The following ABCA8 variants were observed in gnomAD, a reference collection of about 807,000 sequenced individuals.
The protein encoded by ABCA8 is ABC-type organic anion transporter ABCA8.
Under a neutral mutation model 192.3 loss-of-function variants are expected in ABCA8, and 177 were observed. That is an observed-to-expected ratio of 0.92 (90% CI 0.81 to 1.04). ABCA8 has a LOEUF of 1.04. ABCA8 is among the 50% of genes least tolerant of loss of function. The pLI is 0.00. For missense variants in ABCA8, 1,915 were observed against 1,904.8 expected (o/e 1.01, Z -0.10); for synonymous variants, 642 against 690.2 (o/e 0.93, Z 1.09).
chr17:68,924,175 C>A (rs373961269), intron 11 of ABCA8, among the ~76,000 whole-genome samples: 1 of 152,136 alleles, frequency 6.6e-6, no homozygotes, highest in South Asian at 2.1e-4. Context: ...GGAGAAACCC[C>A]GTCTCTATTC....
chr17:68,899,151 A>C (rs533738404), intron 21 of ABCA8, among the ~76,000 whole-genome samples: 4 of 152,172 alleles, frequency 2.6e-5, no homozygotes, highest in South Asian at 2.1e-4. Context: ...ATGCCAAAGA[A>C]AACAGTAAAG....
At chr17:68,929,903 G>T (rs886739844) in intron 7 of ABCA8, among the ~76,000 whole-genome samples, 2 of 150,406 alleles carry the variant, frequency 1.3e-5, no homozygotes, top group African/African-American at 2.5e-5. Context: ...AATATTCTTT[G>T]GGAATTAGGA....
chr17:68,900,226 A>G (rs1484163997), intron 21 of ABCA8, among the ~76,000 whole-genome samples: 1 of 152,100 alleles, frequency 6.6e-6, no homozygotes, highest in Admixed American at 6.5e-5. Flanking sequence ...AGAAAAATAA[A>G]ATAACATGAA....
At chr17:68,933,908 G>A (rs978298082) in intron 5 of ABCA8, among the ~76,000 whole-genome samples, 3 of 151,978 alleles carry the variant, frequency 2.0e-5, no homozygotes, top group East Asian at 1.9e-4. Flanking sequence ...TCAGATATAC[G>A]AATGATATAA....
intron 15 of ABCA8, 27 bp downstream of exon 15, chr17:68,918,399 AT>A (rs1422345328): frequency 6.4e-7 from 1 of 1,553,226 alleles, no homozygotes; most frequent in South Asian, 1.2e-5. Context: ...TAAACTTTGA[AT>A]TCACCTGCAA....
chr17:68,876,755 A>G, intron 33 of ABCA8, 52 bp from the exon 34 acceptor site: 1 of 1,610,062 alleles, frequency 6.2e-7, no homozygotes, highest in Non-Finnish European at 8.5e-7. Flanking sequence ...GAAATAGATA[A>G]GAGGATAACC....
Position 68,889,683 on chromosome 17 carries a change from A to G in ABCA8, c.3144+1806T>C, listed in dbSNP as rs1325346071. 1.3e-5 allele frequency among the ~76,000 whole-genome samples: 2 copies of G among 152,174 alleles called. 1 individual carries two copies. The highest frequency in any genetic ancestry group is 2.9e-5 in the Non-Finnish European group (2 of 68,028). On this transcript the variant is annotated intron_variant, in intron 24 of 39. Coordinates refer to ENST00000586539, the MANE Select transcript of ABCA8 (RefSeq NM_001288985.2). ...CCTGAAGTTTCCCATGATCCTTTGC[A>G]GTCAATAGCCTTTACCACTGGTTAC...
chr17:68,918,930 C>CAAAAAAAAAAAAAAA (rs34377045), intron 14 of ABCA8, among the ~76,000 whole-genome samples: 13 of 45,948 alleles, frequency 2.8e-4, no homozygotes, highest in African/African-American at 8.4e-4. Context: ...AACTCTGTCT[C>CAAAAAAAAAAAAAAA]AAAAAAAAAA....
rs1048481311 is a variant in ABCA8 at position 68,911,118 on chromosome 17, T to C, written c.2139-3239A>G. Among the ~76,000 whole-genome samples the C allele has an allele frequency of 1.6e-4, 25 of 151,624 alleles. No homozygotes were observed. Among genetic ancestry groups the C allele is most frequent in the African/African-American group, 6.1e-4 (25 of 41,268 alleles). On this transcript the variant is annotated intron_variant, in intron 17 of 39. Transcript: ENST00000586539. This position sits in a 1 kb window ranked among gnomAD's most constrained non-coding sequence, Gnocchi z 5.7. ...AGGTACCAGCTTAGCTACAGTGGAG[T>C]AGAGAGCACCAAGCGGACTCCTGGG...
intron 2 of ABCA8, among the ~76,000 whole-genome samples, chr17:68,946,994 AATTGT>A (rs1245494495): frequency 6.6e-6 from 1 of 152,034 alleles, no homozygotes; most frequent in Non-Finnish European, 1.5e-5. Context: ...AAAGAAAATA[AATTGT>A]ATTGTAGTTG....
intron 26 of ABCA8, 73 bp downstream of exon 26, chr17:68,886,944 G>T: frequency 9.7e-7 from 1 of 1,030,684 alleles, no homozygotes. Context: ...CCTACAGAGG[G>T]CAAAATTTAA....
intron 33 of ABCA8, chr17:68,877,288 G>C: frequency 5.5e-6 from 2 of 361,786 alleles, no homozygotes; most frequent in Non-Finnish European, 9.7e-6. Context: ...CAAAGTGCTG[G>C]GGTTAGAGGC....
Position 68,911,264 on chromosome 17 carries a change from C to G in ABCA8, c.2139-3385G>C, listed in dbSNP as rs1029936777. On this transcript the variant is annotated intron_variant, in intron 17 of 39. Coordinates refer to ENST00000586539, the MANE Select transcript of ABCA8 (RefSeq NM_001288985.2). This position sits in a 1 kb window ranked among gnomAD's most constrained non-coding sequence, Gnocchi z 5.7. ...GCATGTACTACAAGCTGCCTGAAGTCCCTTGGGCCTTGAGTGAACATCAGT... is the reference window on the plus strand; with the variant it reads ...GCATGTACTACAAGCTGCCTGAAGTGCCTTGGGCCTTGAGTGAACATCAGT... 3.3e-5 allele frequency among the ~76,000 whole-genome samples: 5 copies of G among 152,046 alleles called. No homozygotes were observed. Among genetic ancestry groups the G allele is most frequent in the Non-Finnish European group, 7.4e-5 (5 of 67,996 alleles).
rs144259189 is a variant in ABCA8, at chr17:68,922,963, A to G, written c.1443-663T>C. On this transcript the variant is annotated intron_variant, in intron 11 of 39. Transcript: ENST00000586539. ...ATATTTCATCTCGCATGTACAGTGC[A>G]TATAAGATGATATTGGTTACATGGT... is the stretch of plus-strand genomic sequence containing the variant. 1.4e-3 allele frequency among the ~76,000 whole-genome samples: 206 copies of G among 152,290 alleles called. 1 individual carries two copies. The highest frequency in any genetic ancestry group is 4.7e-3 in the African/African-American group (194 of 41,566).
intron 19 of ABCA8, among the ~76,000 whole-genome samples, chr17:68,904,298 A>AG (rs2067004717): frequency 1.6e-3 from 1 of 644 alleles, no homozygotes; most frequent in Non-Finnish European, 2.1e-3. Flanking sequence ...AAGAAATAAT[A>AG]ATAATAATAA....
In ABCA8 at chr17:68,922,225, T is replaced by TAAATTTAAAGGG; in HGVS notation, c.1501+16_1501+17insCCCTTTAAATTT. On this transcript the variant is annotated intron_variant, in intron 12 of 39. Transcript: ENST00000586539. ...TTTTTTTTTTTTTTTTTTTTTTTTT[T>TAAATTTAAAGGG]TTTTTTTTTTTTTTACCTTTCAAGG... 4.2e-6 allele frequency: 2 copies of TAAATTTAAAGGG among 477,306 alleles called. No homozygotes were observed. The highest frequency in any genetic ancestry group is 6.0e-6 in the Non-Finnish European group (2 of 332,690). The allele number at this position is 477,306 out of a possible 1,614,324, so 29.6% of individuals were successfully genotyped here. A position where few individuals can be genotyped will look rare whatever the true frequency, so the allele number is the denominator to read the frequency against.
At position 68,875,620 on chromosome 17, in the gene ABCA8, C is replaced by T. The variant is rs777537578; in HGVS notation, c.4484G>A (p.Arg1495Lys). ...GTCCAGGACAGGCACTCACCTCAAC[C>T]TCCCAGATACCATGATGGCCACTCG... ...CDRVAIMVSGRLRCIGSIQHL... is the reference protein window; with the variant it reads ...CDRVAIMVSGKLRCIGSIQHL... Residue 1495 changes from arginine to lysine, a missense_variant, in exon 36 of 40, where the codon AGG becomes AAG. Coordinates refer to ENST00000586539, the MANE Select transcript of ABCA8 (RefSeq NM_001288985.2). 1 of 1,613,988 alleles carries T rather than the reference C, an allele frequency of 6.2e-7. No individual in the cohort carries two copies. Among genetic ancestry groups the T allele is most frequent in the Non-Finnish European group, 8.5e-7 (1 of 1,179,944 alleles).
intron 5 of ABCA8, among the ~76,000 whole-genome samples, chr17:68,934,955 T>G (rs555785913): frequency 3.3e-5 from 5 of 152,210 alleles, no homozygotes; most frequent in Admixed American, 1.3e-4. Context: ...TGTTGTTTTA[T>G]GAAATTCCTA....
chr17:68,868,635 C>T (rs980171794), intron 38 of ABCA8, among the ~76,000 whole-genome samples: 33 of 152,170 alleles, frequency 2.2e-4, no homozygotes, highest in African/African-American at 7.7e-4. Context: ...TGCCTGTGGG[C>T]CAGTGGGTTT....
Sources: gnomAD v4.1 joint callset for allele counts (sites outside exome capture counted in the v4.1 genomes callset) on GRCh38, gnomAD v4.1.1 for gene constraint, Gnocchi (gnomAD v3.1) non-coding constraint, MANE v1.5 for transcripts, NCBI Gene and HGNC (gene_info 2026-07-23, HGNC 2026-07-21) for gene names.